Variants in HMGCS2 observed in about 807,000 individuals in gnomAD.
HMGCS2 encodes the protein 3-hydroxy-3-methylglutaryl-CoA synthase 2.
HMGCS2 carries 50 observed loss-of-function variants against 57.4 expected under a neutral mutation model. The ratio of observed to expected loss-of-function variants is 0.87; its 90% CI spans 0.69 to 1.10. The LOEUF is 1.10. HMGCS2 is among the 50% of genes least tolerant of loss of function. The probability of loss-of-function intolerance (pLI) is 0.00; values close to 1 mark genes in which losing one functional copy is unlikely to be tolerated. For missense variants in HMGCS2, 627 were observed against 636.5 expected, an observed-to-expected ratio of 0.99 and a Z score of 0.16; for synonymous variants, 254 against 245.1, an observed-to-expected ratio of 1.04 and a Z score of -0.34.
At chr1:119,765,973 G>A (rs886625346) in intron 1 of HMGCS2, among the ~76,000 whole-genome samples, 3 of 152,134 alleles carry the variant, frequency 2.0e-5, no homozygotes, top group African/African-American at 4.8e-5. Context: ...TAAATATGCA[G>A]GGAACACAGA....
Position 119,753,410 on chromosome 1 carries a change from AACAC to A in HMGCS2, c.1188-28_1188-25del, listed in dbSNP as rs71074435. ...GGCTGTGGGGAAAGAAATCAAATAA[AACAC>A]ACACACACACACACACACACACACA... On this transcript the variant is annotated intron_variant, in intron 6 of 9. Transcript: ENST00000369406. 85,002 of 723,794 alleles carry A rather than the reference AACAC, an allele frequency of 0.12. 1,244 individuals are homozygous for A. The highest frequency in any genetic ancestry group is 0.18 in the Middle Eastern group (561 of 3,086). The allele number at this position is 723,794 out of a possible 1,614,324, so 44.8% of individuals were successfully genotyped here.
chr1:119,752,575 T>C lies in HMGCS2; in HGVS notation c.1394A>G (p.Asn465Ser). 1 of 1,614,062 alleles carries C rather than the reference T, an allele frequency of 6.2e-7. No individual in the cohort carries two copies. The change falls in exon 8 of 10, where the codon AAC (asparagine) becomes AGC (serine). Residue 465 changes from asparagine (N) to serine (S), a missense_variant. Transcript: ENST00000369406. ...CTTATGGTAGAATTGCTCTCTTTGG[T>C]TCATTATTTCTGTGAACTCCTCAGG... ...VSPEEFTEIM[N>S]QREQFYHKVN...
In HMGCS2 at chr1:119,752,398, T is replaced by C. The variant is rs1248325243; in HGVS notation, c.1420+151A>G. On this transcript the variant is annotated intron_variant, in intron 8 of 9. Coordinates refer to ENST00000369406, the MANE Select transcript of HMGCS2 (RefSeq NM_005518.4). ...TTTCCCCACCCACTTCTTGCCCCTT[T>C]GGACAACAGATCTTCTAGCAAATCT... is the stretch of plus-strand genomic sequence containing the variant. The C allele has an allele frequency of 3.3e-6, 3 of 910,012 alleles. No individual in the cohort carries two copies. The African/African-American group carries it at 4.9e-5, about 15-fold the overall frequency. The allele number at this position is 910,012 out of a possible 1,614,324, so 56.4% of individuals were successfully genotyped here. A position where few individuals can be genotyped will look rare whatever the true frequency, so the allele number is the denominator to read the frequency against.
At chr1:119,753,126 C>A (rs1652717212) in intron 7 of HMGCS2, among the ~76,000 whole-genome samples, 154 bp downstream of exon 7, 1 of 152,124 alleles carries the variant, frequency 6.6e-6, no homozygotes, top group Non-Finnish European at 1.5e-5. Flanking sequence ...ATTAAACAAA[C>A]TTACTCCATG....
chr1:119,759,453 G>A, intron 3 of HMGCS2, 171 bp from the exon 4 acceptor site: 1 of 701,080 alleles, frequency 1.4e-6, no homozygotes, highest in South Asian at 1.6e-5. Flanking sequence ...CAGGTTGTTG[G>A]TATTACAAAA....
chr1:119,752,678 G>A lies in HMGCS2; in HGVS notation c.1295-4C>T, dbSNP rs1652702456. The A allele has an allele frequency of 6.2e-7, 1 of 1,613,960 alleles. No individual in the cohort carries two copies. The highest frequency in any genetic ancestry group is 1.1e-5 in the South Asian group (1 of 91,062). On this transcript the variant is annotated splice_region_variant and splice_polypyrimidine_tract_variant and intron_variant, in intron 7 of 9. Coordinates refer to ENST00000369406, the MANE Select transcript of HMGCS2 (RefSeq NM_005518.4). The stretch of plus-strand genomic sequence containing the variant: ...ACCAACTTGTCCAGGGGAGAGCCTG[G>A]GAAGCAAAAGCAAGATTGTTACACC...
chr1:119,748,921 G>A (rs933595584), intron 9 of HMGCS2, 80 bp from the exon 10 acceptor site: 9 of 152,456 alleles, frequency 5.9e-5, no homozygotes, highest in South Asian at 4.1e-4. Context: ...TGCCCGAGGT[G>A]TGGCTGTGCA....
At chr1:119,755,685 C>T in intron 5 of HMGCS2, 88 bp from the exon 6 acceptor site, 1 of 1,167,730 alleles carries the variant, frequency 8.6e-7, no homozygotes, top group South Asian at 1.2e-5. Flanking sequence ...CTGGAGAGGA[C>T]TTTGGGGCGC....
chr1:119,764,929 C>T (rs929007678), intron 1 of HMGCS2, among the ~76,000 whole-genome samples: 7 of 152,100 alleles, frequency 4.6e-5, no homozygotes, highest in Non-Finnish European at 8.8e-5. Context: ...TTACTTTCAA[C>T]TTCTTAACGT....
chr1:119,750,936 T>C (rs1278656763), intron 8 of HMGCS2, 28 bp from the exon 9 acceptor site: 2 of 1,324,082 alleles, frequency 1.5e-6, no homozygotes, highest in Non-Finnish European at 2.2e-6. Context: ...GAGGCAGTAC[T>C]CACAAAGAGT....
chr1:119,754,619 A>G (rs1652772443), intron 6 of HMGCS2, among the ~76,000 whole-genome samples: 1 of 120,988 alleles, frequency 8.3e-6, no homozygotes. Context: ...TTAGATACTT[A>G]ATGCTCATAA....
intron 2 of HMGCS2, among the ~76,000 whole-genome samples, chr1:119,763,858 TG>T (rs1303886533): frequency 2.0e-5 from 3 of 152,204 alleles, no homozygotes; most frequent in Admixed American, 6.5e-5. Flanking sequence ...ATGTCAGATG[TG>T]GTTTGGCATT....
intron 6 of HMGCS2, among the ~76,000 whole-genome samples, chr1:119,754,305 C>A (rs1652764078): frequency 6.6e-6 from 1 of 152,150 alleles, no homozygotes; most frequent in Non-Finnish European, 1.5e-5. Context: ...GATCTTCCCA[C>A]CTTGGCCTCC....
intron 6 of HMGCS2, among the ~76,000 whole-genome samples, chr1:119,754,447 T>C (rs1652768262): frequency 6.6e-6 from 1 of 152,138 alleles, no homozygotes; most frequent in Admixed American, 6.5e-5. Context: ...GAGATCCTCC[T>C]GCCTGAGCCT....
Position 119,755,521 on chromosome 1 carries a change from C to G in HMGCS2, c.1093G>C (p.Asp365His), listed in dbSNP as rs767236647. ...ALLKASQDMFDKKTKASLYLS... is the reference protein window; with the variant it reads ...ALLKASQDMFHKKTKASLYLS... ...TAAAGGGAAGCCTTGGTTTTCTTGT[C>G]GAACATGTCCTGAGAGGCCTTTAGA... Residue 365 changes from aspartate (D) to histidine (H), a missense_variant, in exon 6 of 10, where the codon GAC (aspartate) becomes CAC (histidine). Physicochemically the swap from Asp to His is moderately conservative, Grantham distance 81. Coordinates refer to ENST00000369406, the MANE Select transcript of HMGCS2 (RefSeq NM_005518.4). 1.2e-6 allele frequency: 2 copies of G among 1,614,062 alleles called. No individual in the cohort carries two copies. Among genetic ancestry groups the G allele is most frequent in the African/African-American group, 1.3e-5 (1 of 75,006 alleles).
chr1:119,757,988 A>C (rs1188190283), intron 4 of HMGCS2, among the ~76,000 whole-genome samples: 1 of 152,266 alleles, frequency 6.6e-6, no homozygotes, highest in Non-Finnish European at 1.5e-5. Flanking sequence ...ATAACCAATT[A>C]CAGAAGACAG....
At chr1:119,754,601 T>C (rs1222758935) in intron 6 of HMGCS2, among the ~76,000 whole-genome samples, 1 of 146,834 alleles carries the variant, frequency 6.8e-6, no homozygotes, top group Non-Finnish European at 1.5e-5. Flanking sequence ...ACTGCTATTT[T>C]AATTGTTTTA....
At chr1:119,753,800 C>T (rs1652743310) in intron 6 of HMGCS2, among the ~76,000 whole-genome samples, 1 of 152,094 alleles carries the variant, frequency 6.6e-6, no homozygotes, top group Admixed American at 6.5e-5. Context: ...GGTAATGGTT[C>T]AGCAGTCATA....
rs1652802208 is a variant in HMGCS2, at chr1:119,755,438, C to T, written c.1176G>A (p.Ser392=). 5 of 1,614,080 alleles carry T rather than the reference C, an allele frequency of 3.1e-6. No homozygotes were observed. The highest frequency in any genetic ancestry group is 3.3e-4 in the Middle Eastern group (2 of 6,026). ...YTSSLYGCLA[S]LLSHHSAQEL... is the part of the protein sequence containing the mutation. ...GATGCAGTACTCACTGGGACAGAAG[C>T]GAGGCCAGGCACCCGTACAGGGATG... The change falls in exon 6 of 10, where the codon TCG becomes TCA. Residue 392 remains serine (S), a synonymous_variant. Transcript: ENST00000369406.
Sources: gnomAD v4.1 joint callset for allele counts (sites outside exome capture counted in the v4.1 genomes callset) on GRCh38, gnomAD v4.1.1 for gene constraint, MANE v1.5 for transcripts, NCBI Gene and HGNC (gene_info 2026-07-23, HGNC 2026-07-21) for gene names.